DPH6: variants seen among roughly 807,000 people sequenced by gnomAD.
DPH6 encodes the protein diphthamine biosynthesis 6.
Under a neutral mutation model 38.2 loss-of-function variants are expected in DPH6, and 33 were observed. That is an observed-to-expected ratio of 0.86 (90% CI 0.65 to 1.15). The LOEUF (loss-of-function observed/expected upper bound fraction) is 1.15, where lower values mean the gene tolerates loss of function less well. DPH6 is among the 50% of genes most tolerant of loss of function. The pLI, the probability that DPH6 is intolerant of heterozygous loss-of-function variation, is 0.00. For synonymous variants in DPH6, 108 were observed against 103.0 expected (o/e 1.05, Z -0.30); for missense variants, 325 against 320.0 (o/e 1.02, Z -0.12).
intron 5 of DPH6, among the ~76,000 whole-genome samples, chr15:35,430,896 T>G (rs2053624583): frequency 6.6e-6 from 1 of 152,126 alleles, no homozygotes; most frequent in East Asian, 1.9e-4. Context: ...ACAAGTACAG[T>G]ATAGGAAGCC....
At chr15:35,352,693 G>C (rs1180650275) in intron 3 of DPH6, among the ~76,000 whole-genome samples, 2 of 152,090 alleles carry the variant, frequency 1.3e-5, no homozygotes, top group Admixed American at 6.5e-5. Context: ...TTGGACATTT[G>C]GCTTGGTTCC....
At chr15:35,437,366 C>G (rs184903365) in intron 5 of DPH6, among the ~76,000 whole-genome samples, 1 of 152,282 alleles carries the variant, frequency 6.6e-6, no homozygotes, top group Admixed American at 6.5e-5. Context: ...GGTCCCCCTA[C>G]AGGACAGTCC....
intron 3 of DPH6, among the ~76,000 whole-genome samples, chr15:35,504,625 G>A (rs1482833933): frequency 6.6e-6 from 1 of 151,976 alleles, no homozygotes; most frequent in East Asian, 1.9e-4. Flanking sequence ...CACTGACTCA[G>A]AACACATTTG....
intron 3 of DPH6, among the ~76,000 whole-genome samples, chr15:35,496,565 AAAATATATATATATAT>A (rs1305596728): frequency 5.0e-5 from 1 of 20,150 alleles, no homozygotes; most frequent in Non-Finnish European, 9.0e-5. Flanking sequence ...CAAAAAAAAA[AAAATATATATATATAT>A]ATATATATAT....
intron 3 of DPH6, among the ~76,000 whole-genome samples, chr15:35,262,017 C>T (rs2051750487): frequency 1.3e-5 from 2 of 152,086 alleles, no homozygotes; most frequent in African/African-American, 4.8e-5. Context: ...AAAAAAGGGT[C>T]CTCATGACAA....
chr15:35,408,107 TG>T (rs2053318987), intron 6 of DPH6, among the ~76,000 whole-genome samples: 1 of 151,876 alleles, frequency 6.6e-6, no homozygotes, highest in South Asian at 2.1e-4. Flanking sequence ...GAGAAGTGCT[TG>T]GATTTATAAT....
chr15:35,358,336 C>G (rs951750683), intron 3 of DPH6, among the ~76,000 whole-genome samples: 11 of 152,140 alleles, frequency 7.2e-5, no homozygotes, highest in Non-Finnish European at 1.3e-4. Flanking sequence ...TCTCTGGTCC[C>G]TCTCTGATTA....
intron 6 of DPH6, chr15:35,401,395 AATG>A (rs896488839): frequency 1.1e-5 from 8 of 755,960 alleles, no homozygotes; most frequent in Non-Finnish European, 2.0e-5. Flanking sequence ...TGATTTTGGT[AATG>A]ATGGTGGTTA....
At chr15:35,214,890 G>C (rs1288708315), downstream of DPH6, among the ~76,000 whole-genome samples, 1 of 152,134 alleles carries the variant, frequency 6.6e-6, no homozygotes, top group South Asian at 2.1e-4. Flanking sequence ...TTACAGGTGT[G>C]AGCCACCACG....
chr15:35,220,633 A>G (rs2051436616), intron 3 of DPH6: 1 of 152,150 alleles, frequency 6.6e-6, no homozygotes, highest in South Asian at 2.1e-4. Context: ...AGTGGGGTAA[A>G]GCCACTTCTG....
the DPH6 span, among the ~76,000 whole-genome samples, chr15:35,180,345 C>T: frequency 4.8e-4 from 73 of 151,122 alleles, no homozygotes; most frequent in African/African-American, 1.7e-3. Flanking sequence ...AAATCAGAGC[C>T]TTCCTTCAGT....
At chr15:35,242,135 C>T (rs935494624) in intron 3 of DPH6, among the ~76,000 whole-genome samples, 4 of 144,668 alleles carry the variant, frequency 2.8e-5, no homozygotes. Context: ...GCTGTACCGC[C>T]GCAAAGCTTC....
At chr15:35,365,609 G>A (rs117663416) in intron 3 of DPH6, among the ~76,000 whole-genome samples, 302 of 152,160 alleles carry the variant, frequency 2.0e-3, no homozygotes, top group Non-Finnish European at 3.4e-3. Context: ...AGCATTGATT[G>A]TTACTTTTAT....
chr15:35,183,574 ACTT>A, the DPH6 span, among the ~76,000 whole-genome samples: 1 of 152,212 alleles, frequency 6.6e-6, no homozygotes, highest in Non-Finnish European at 1.5e-5. Flanking sequence ...AAAAATATTA[ACTT>A]CTTGACAAAC....
intron 3 of DPH6, chr15:35,365,709 A>G (rs1448823443): frequency 5.7e-6 from 5 of 871,766 alleles, no homozygotes; most frequent in Non-Finnish European, 6.9e-6. Flanking sequence ...AACACAAATG[A>G]TATCATCACG....
At chr15:35,545,565 T>A (rs1164873483) in intron 1 of DPH6, among the ~76,000 whole-genome samples, 2 of 152,130 alleles carry the variant, frequency 1.3e-5, no homozygotes, top group Admixed American at 6.5e-5. Context: ...GCAATCCACA[T>A]CTGTGAAGAT....
the DPH6 span, among the ~76,000 whole-genome samples, chr15:35,201,770 A>C: frequency 1.3e-5 from 2 of 151,720 alleles, no homozygotes; most frequent in African/African-American, 4.8e-5. Context: ...ATGAATTTTA[A>C]AATTTAAAAT....
At chr15:35,357,566 T>C (rs1395970003) in intron 3 of DPH6, among the ~76,000 whole-genome samples, 1 of 152,246 alleles carries the variant, frequency 6.6e-6, no homozygotes, top group African/African-American at 2.4e-5. Context: ...GTTCTTGTAG[T>C]GGTGGCTTGG....
At chr15:35,268,172 A>AAAATAAATAAAT (rs200566883) in intron 3 of DPH6, among the ~76,000 whole-genome samples, 4 of 140,458 alleles carry the variant, frequency 2.8e-5, no homozygotes, top group African/African-American at 7.8e-5. Context: ...TCTGTCTCAA[A>AAAATAAATAAAT]AAATAAATAA....
Sources: gnomAD v4.1 joint callset for allele counts (sites outside exome capture counted in the v4.1 genomes callset) on GRCh38, gnomAD v4.1.1 for gene constraint, MANE v1.5 for transcripts, NCBI Gene and HGNC (gene_info 2026-07-23, HGNC 2026-07-21) for gene names.